CFAP61: variants seen among roughly 807,000 people sequenced by gnomAD.
The protein encoded by CFAP61 is cilia and flagella associated protein 61.
CFAP61 carries 107 observed loss-of-function variants against 135.6 expected under a neutral mutation model. The observed-to-expected ratio is 0.79, with a 90% CI of 0.67 to 0.93. The LOEUF (loss-of-function observed/expected upper bound fraction) is 0.93, where lower values mean the gene tolerates loss of function less well. CFAP61 is among the 40% of genes least tolerant of loss of function. The pLI is 0.00. For missense variants in CFAP61, 1,507 were observed against 1,556.2 expected (o/e 0.97, Z 0.53); for synonymous variants, 575 against 578.5 (o/e 0.99, Z 0.09).
chr20:20,346,300 C>G (rs62200213), intron 26 of CFAP61, among the ~76,000 whole-genome samples: 79,986 of 148,788 alleles, frequency 0.54, 22,545 homozygotes, highest in Non-Finnish European at 0.63. Flanking sequence ...GTGGATCGCC[C>G]GAGGTCAGGA....
chr20:20,327,719 G>A (rs1357735088), intron 25 of CFAP61, among the ~76,000 whole-genome samples: 1 of 138,590 alleles, frequency 7.2e-6, no homozygotes, highest in Admixed American at 7.7e-5. Context: ...CCTAGAGAAG[G>A]TGATTTCCTG....
intron 8 of CFAP61, among the ~76,000 whole-genome samples, chr20:20,100,131 A>G (rs34950733): frequency 0.21 from 32,413 of 150,764 alleles, 4,293 homozygotes; most frequent in South Asian, 0.34. Flanking sequence ...TGTCATTGTT[A>G]TTTTCCAATG....
Position 20,201,082 on chromosome 20 carries a change from G to A in CFAP61, c.1932+1180G>A, listed in dbSNP as rs912412107. 1.5e-5 allele frequency: 7 copies of A among 463,010 alleles called. No homozygotes were observed. The South Asian group carries it at 2.8e-4, about 18-fold the overall frequency. 28.7% of individuals were successfully genotyped at this position (463,010 alleles called of 1,614,324 possible). A position where few individuals can be genotyped will look rare whatever the true frequency, so the allele number is the denominator to read the frequency against. On this transcript the variant is annotated intron_variant, in intron 17 of 26. Transcript: ENST00000245957. Reference sequence around the variant, plus strand: ...CCTTTTTTTAATTAATGTGCAATTAGTCATGGACTGATAGTTTTGTAAAAA... The same window carrying A: ...CCTTTTTTTAATTAATGTGCAATTAATCATGGACTGATAGTTTTGTAAAAA...
chr20:20,304,929 C>A (rs2056376668), intron 25 of CFAP61, among the ~76,000 whole-genome samples: 1 of 152,130 alleles, frequency 6.6e-6, no homozygotes, highest in Admixed American at 6.5e-5. Context: ...CCTACAGAAT[C>A]TCTCCCTTCT....
At chr20:20,245,571 C>T (rs548631135) in intron 18 of CFAP61, among the ~76,000 whole-genome samples, 7 of 152,252 alleles carry the variant, frequency 4.6e-5, no homozygotes, top group South Asian at 2.1e-4. Context: ...GGGAGCTACA[C>T]GATGAGATTT....
chr20:20,090,535 C>T (rs1193815237), intron 6 of CFAP61, among the ~76,000 whole-genome samples: 2 of 151,632 alleles, frequency 1.3e-5, no homozygotes. Context: ...ACTAAAAATA[C>T]AAAAATTAGC....
intron 20 of CFAP61, among the ~76,000 whole-genome samples, chr20:20,260,312 A>G (rs2424301): frequency 0.69 from 105,090 of 152,160 alleles, 36,624 homozygotes; most frequent in East Asian, 0.96. Flanking sequence ...ATGTCTCCAT[A>G]CAAATTCTTT....
chr20:20,151,928 A>C (rs7273188), intron 9 of CFAP61, among the ~76,000 whole-genome samples: 2,009 of 152,178 alleles, frequency 0.013, 15 homozygotes, highest in Non-Finnish European at 0.019. Flanking sequence ...TCTAAAGTCA[A>C]AGTCAAGACA....
At chr20:20,312,701 A>G (rs6046789) in intron 25 of CFAP61, among the ~76,000 whole-genome samples, 81,675 of 152,114 alleles carry the variant, frequency 0.54, 22,950 homozygotes, top group African/African-American at 0.71. Flanking sequence ...AAAGCAACAA[A>G]AGACACGGGC....
chr20:20,168,977 A>G (rs541609686), intron 12 of CFAP61, among the ~76,000 whole-genome samples: 1 of 152,370 alleles, frequency 6.6e-6, no homozygotes, highest in African/African-American at 2.4e-5. Flanking sequence ...CTAGGACACC[A>G]TGCTACCTCA....
intron 17 of CFAP61, among the ~76,000 whole-genome samples, chr20:20,223,200 G>T (rs953254968): frequency 6.6e-6 from 1 of 152,172 alleles, no homozygotes; most frequent in African/African-American, 2.4e-5. Context: ...TGCCTGAAAA[G>T]CTCAAAGTAT....
At chr20:20,232,398 A>C (rs1206384086) in intron 18 of CFAP61, among the ~76,000 whole-genome samples, 2 of 152,004 alleles carry the variant, frequency 1.3e-5, no homozygotes, top group African/African-American at 2.4e-5. Context: ...AAAAAGAAGA[A>C]GAAGAAGAAG....
chr20:20,355,818 C>G (rs1165250312), intron 26 of CFAP61, among the ~76,000 whole-genome samples: 1 of 89,278 alleles, frequency 1.1e-5, no homozygotes, highest in African/African-American at 5.4e-5. Flanking sequence ...ACACTGTGAG[C>G]AGAGATGGTC....
At position 20,074,290 on chromosome 20, in the gene CFAP61, C is replaced by A; in HGVS notation, c.295-12C>A. On this transcript the variant is annotated splice_polypyrimidine_tract_variant and intron_variant, in intron 3 of 26. Transcript: ENST00000245957. The stretch of plus-strand genomic sequence containing the variant: ...ACTCAGCCTTTAATCCGTGTTCTCT[C>A]TTCTTCTGCAGCCCCTGAATACGTT... 6.2e-7 allele frequency: 1 copy of A among 1,613,344 alleles called. No individual in the cohort carries two copies. The highest frequency in any genetic ancestry group is 8.5e-7 in the Non-Finnish European group (1 of 1,179,250).
In CFAP61 at chr20:20,133,179, G is replaced by T. The variant is rs35274910; in HGVS notation, c.860-9678G>T. On this transcript the variant is annotated intron_variant, in intron 8 of 26. Transcript: ENST00000245957. ...TGATTCTATTACTTCTTGCAACTGC[G>T]TCAATAATCCGTTGCCACAATAATG... 2.0e-5 allele frequency among the ~76,000 whole-genome samples: 3 copies of T among 152,116 alleles called. No individual in the cohort carries two copies. In the South Asian group the frequency reaches 6.2e-4, roughly 32 times the overall value.
chr20:20,293,734 G>A (rs2055177245), intron 24 of CFAP61, among the ~76,000 whole-genome samples: 1 of 152,156 alleles, frequency 6.6e-6, no homozygotes. Flanking sequence ...GAAGAAAGGG[G>A]ACCCCAAGTC....
chr20:20,235,979 C>T (rs2049559374), intron 18 of CFAP61, among the ~76,000 whole-genome samples: 1 of 152,022 alleles, frequency 6.6e-6, no homozygotes, highest in Admixed American at 6.6e-5. Context: ...GAAGATAATG[C>T]CTTTCAAACA....
chr20:20,139,982 G>A (rs1231323136), intron 8 of CFAP61, among the ~76,000 whole-genome samples: 1 of 152,018 alleles, frequency 6.6e-6, no homozygotes, highest in African/African-American at 2.4e-5. Context: ...CATTAAAATA[G>A]GTAGTTACTG....
chr20:20,197,271 G>A lies in CFAP61; in HGVS notation c.1797+495G>A, dbSNP rs182901950. On this transcript the variant is annotated intron_variant, in intron 16 of 26. Coordinates refer to ENST00000245957, the MANE Select transcript of CFAP61 (RefSeq NM_015585.4). ...AGAAAGTGCGGAGATGCCTGATGCC[G>A]ATGTAACCCCATGTAACACTTGCCA... 1.4e-4 allele frequency among the ~76,000 whole-genome samples: 22 copies of A among 152,256 alleles called. No homozygotes were observed. The East Asian group carries it at 2.9e-3, about 20-fold the overall frequency.
Sources: allele counts gnomAD v4.1 joint callset (sites outside exome capture counted in the v4.1 genomes callset), GRCh38; gene constraint gnomAD v4.1.1; transcripts MANE v1.5; gene names NCBI Gene and HGNC (gene_info 2026-07-23, HGNC 2026-07-21).